The following EYS variants were observed in gnomAD, a reference collection of about 807,000 sequenced individuals.
The protein encoded by EYS is protein eyes shut homolog.
Under a neutral mutation model 282.1 loss-of-function variants are expected in EYS, and 250 were observed. The observed-to-expected ratio is 0.89, with a 90% CI of 0.80 to 0.98. The LOEUF is 0.98. EYS is among the 50% of genes least tolerant of loss of function. The pLI, the probability that EYS is intolerant of heterozygous loss-of-function variation, is 0.00. For missense variants in EYS, 4,016 were observed against 3,709.0 expected (o/e 1.08, Z -2.15); for synonymous variants, 1,355 against 1,282.9 (o/e 1.06, Z -1.20).
chr6:64,346,381 G>A (rs1771394292), intron 29 of EYS, among the ~76,000 whole-genome samples: 1 of 151,978 alleles, frequency 6.6e-6, no homozygotes, highest in Non-Finnish European at 1.5e-5. Context: ...CATAAAAAAT[G>A]ATGAGTTCAT....
intron 32 of EYS, among the ~76,000 whole-genome samples, chr6:64,078,829 G>T (rs115441211): frequency 2.0e-5 from 3 of 151,998 alleles, no homozygotes; most frequent in Admixed American, 2.0e-4. Context: ...ATTAAAGTAC[G>T]AACTTTAATG....
intron 26 of EYS, among the ~76,000 whole-genome samples, chr6:64,464,642 C>T (rs1775858168): frequency 6.6e-6 from 1 of 151,952 alleles, no homozygotes; most frequent in Non-Finnish European, 1.5e-5. Context: ...TATATACTAA[C>T]AACAGACTAT....
At chr6:64,034,208 G>T (rs1770003391) in intron 33 of EYS, among the ~76,000 whole-genome samples, 1 of 152,038 alleles carries the variant, frequency 6.6e-6, no homozygotes, top group Non-Finnish European at 1.5e-5. Flanking sequence ...AATGATTGAG[G>T]GGAGCAATAA....
intron 29 of EYS, among the ~76,000 whole-genome samples, chr6:64,321,349 T>G (rs772848325): frequency 2.2e-4 from 33 of 151,952 alleles, no homozygotes; most frequent in Admixed American, 5.9e-4. Flanking sequence ...ATTGATATAT[T>G]CATTGATAAT....
intron 30 of EYS, among the ~76,000 whole-genome samples, chr6:64,259,784 T>C (rs1172989674): frequency 1.6e-5 from 2 of 122,904 alleles, no homozygotes; most frequent in African/African-American, 6.2e-5. Flanking sequence ...TGGTGAAATT[T>C]TTCTTTGACA....
intron 26 of EYS, among the ~76,000 whole-genome samples, chr6:64,562,487 T>C (rs73764806): frequency 6.6e-6 from 1 of 151,932 alleles, no homozygotes; most frequent in Non-Finnish European, 1.5e-5. Flanking sequence ...CTTTTAAATA[T>C]TCAATAATAC....
intron 41 of EYS, among the ~76,000 whole-genome samples, chr6:63,738,481 G>A (rs1001079110): frequency 1.5e-4 from 23 of 149,696 alleles, no homozygotes; most frequent in African/African-American, 4.7e-4. Flanking sequence ...GTAAACTATC[G>A]CAAGAACAAA....
At chr6:64,524,716 T>C (rs758765290) in intron 26 of EYS, among the ~76,000 whole-genome samples, 26 of 151,988 alleles carry the variant, frequency 1.7e-4, no homozygotes, top group African/African-American at 4.8e-4. Flanking sequence ...CACCATTTAT[T>C]GTATAGGGAG....
At chr6:65,022,660 A>C (rs986355891) in intron 13 of EYS, among the ~76,000 whole-genome samples, 2 of 149,984 alleles carry the variant, frequency 1.3e-5, no homozygotes, top group Non-Finnish European at 3.0e-5. Context: ...TAAAAGAAGT[A>C]CATATATAAA....
Position 63,720,626 on chromosome 6 carries a change from A to T in EYS, c.9405T>A (p.Tyr3135Ter), listed in dbSNP as rs137853190. 19 of 1,507,130 alleles carry T rather than the reference A, an allele frequency of 1.3e-5. No individual in the cohort carries two copies. The highest frequency in any genetic ancestry group is 1.7e-4 in the Middle Eastern group (1 of 5,742). The allele number at this position is 1,507,130 out of a possible 1,614,324, so 93.4% of individuals were successfully genotyped here. The change falls in exon 43 of 43, where the codon TAT (tyrosine) becomes TAA (stop). Residue 3135 changes from tyrosine to a stop codon, truncating the protein, a stop_gained. Transcript: ENST00000503581. LOFTEE classifies it high-confidence loss of function. Reference protein sequence around the residue: ...ELIKLEGYNVYDGDEQNEVT With the variant: ...ELIKLEGYNV ...TAACCTCATTTTGTTCATCTCCATC[A>T]TAAACATTGTATCCTTCTAATTTAA...
intron 22 of EYS, among the ~76,000 whole-genome samples, chr6:64,812,489 A>G (rs1009223457): frequency 1.3e-5 from 2 of 152,114 alleles, no homozygotes; most frequent in Non-Finnish European, 1.5e-5. Flanking sequence ...ATATATAAGT[A>G]GGCAAAACAT....
chr6:65,353,701 T>G, intron 8 of EYS, 84 bp from the exon 9 acceptor site: 1 of 1,142,740 alleles, frequency 8.8e-7, no homozygotes, highest in Non-Finnish European at 1.3e-6. Context: ...CAGCTAATTT[T>G]TAAAACCACA....
intron 12 of EYS, among the ~76,000 whole-genome samples, chr6:65,151,276 A>G (rs968115061): frequency 1.3e-5 from 2 of 152,072 alleles, no homozygotes; most frequent in East Asian, 3.9e-4. Context: ...GGCAGAGATT[A>G]ACATGCAGGA....
At chr6:65,018,128 T>A (rs1460596930) in intron 13 of EYS, among the ~76,000 whole-genome samples, 1 of 152,190 alleles carries the variant, frequency 6.6e-6, no homozygotes, top group Non-Finnish European at 1.5e-5. Context: ...AAAAACACAC[T>A]GCATTCTCAC....
At position 63,721,219 on chromosome 6, in the gene EYS, G is replaced by T. The variant is rs1028647946; in HGVS notation, c.8812C>A (p.Leu2938Met). Residue 2938 changes from leucine to methionine, a missense_variant, in exon 43 of 43, where the codon CTG (leucine) becomes ATG (methionine). Coordinates refer to ENST00000503581, the MANE Select transcript of EYS (RefSeq NM_001142800.2). ...IPDQSFSYSC[L>M]CTLGWVGRYC... is the part of the protein sequence containing the mutation. Reference sequence around the variant, plus strand: ...CTTCCCACCCAACCCAAAGTACACAGGCAACTGTAAGAAAATGATTGGTCA... The same window carrying T: ...CTTCCCACCCAACCCAAAGTACACATGCAACTGTAAGAAAATGATTGGTCA... 26 of 1,551,674 alleles carry T rather than the reference G, an allele frequency of 1.7e-5. No individual in the cohort carries two copies. In the East Asian group the frequency reaches 6.4e-4, roughly 38 times the overall value.
chr6:64,089,782 CAGAAG>C (rs1469975629), intron 31 of EYS, among the ~76,000 whole-genome samples: 3 of 152,030 alleles, frequency 2.0e-5, no homozygotes, highest in Admixed American at 6.6e-5. Context: ...TTTTCCCCCA[CAGAAG>C]AGAACTTCTA....
intron 29 of EYS, among the ~76,000 whole-genome samples, chr6:64,357,854 G>GT (rs1186353746): frequency 6.6e-6 from 1 of 151,512 alleles, no homozygotes; most frequent in Non-Finnish European, 1.5e-5. Flanking sequence ...CAAGAGCAGT[G>GT]TTTTTTTCAC....
chr6:65,490,976 T>C (rs1306617347), intron 4 of EYS, among the ~76,000 whole-genome samples: 4 of 152,126 alleles, frequency 2.6e-5, no homozygotes, highest in Non-Finnish European at 4.4e-5. Flanking sequence ...CATAATATTT[T>C]AAAATTTTAA....
At chr6:64,325,433 C>T (rs1422820609) in intron 29 of EYS, among the ~76,000 whole-genome samples, 1 of 152,162 alleles carries the variant, frequency 6.6e-6, no homozygotes, top group Non-Finnish European at 1.5e-5. Context: ...AGCCCTAGAC[C>T]TTTCCTCTGA....
Sources: gnomAD v4.1 joint callset for allele counts (sites outside exome capture counted in the v4.1 genomes callset) on GRCh38, gnomAD v4.1.1 for gene constraint, MANE v1.5 for transcripts, NCBI Gene and HGNC (gene_info 2026-07-23, HGNC 2026-07-21) for gene names.